CHAF1A: variants seen among roughly 807,000 people sequenced by gnomAD.
CHAF1A encodes chromatin assembly factor 1 subunit A, also known as CAF-1 subunit A.
CHAF1A carries 5 observed loss-of-function variants against 93.2 expected under a neutral mutation model. The ratio of observed to expected loss-of-function variants is 0.05; its 90% CI spans 0.03 to 0.11. CHAF1A has a LOEUF of 0.11. Among genes scored for constraint, CHAF1A ranks in the 10% least tolerant of loss-of-function variants. The probability of loss-of-function intolerance (pLI) is 1.00; values close to 1 mark genes in which losing one functional copy is unlikely to be tolerated. For missense variants in CHAF1A, 1,102 were observed against 1,259.9 expected, an observed-to-expected ratio of 0.87 and a Z score of 1.90; for synonymous variants, 504 against 510.3, an observed-to-expected ratio of 0.99 and a Z score of 0.17.
At chr19:4,417,138 A>C (rs1209830433) in intron 3 of CHAF1A, among the ~76,000 whole-genome samples, 1 of 152,038 alleles carries the variant, frequency 6.6e-6, no homozygotes, top group East Asian at 1.9e-4. Context: ...CACCCGACTA[A>C]CTAAAAGCTT....
At chr19:4,431,855 C>G (rs1974188265) in intron 11 of CHAF1A, 97 bp from the exon 12 acceptor site, 1 of 1,491,008 alleles carries the variant, frequency 6.7e-7, no homozygotes, top group Non-Finnish European at 9.0e-7. Context: ...GTCCTTTCCT[C>G]TTGCTCCCCA....
chr19:4,428,973 G>A, intron 8 of CHAF1A, 83 bp downstream of exon 8: 1 of 1,139,316 alleles, frequency 8.8e-7, no homozygotes, highest in Non-Finnish European at 1.3e-6. Flanking sequence ...CGGGGTGGGA[G>A]CTCTGGGTCC....
chr19:4,443,754 G>A (rs901638674), downstream of CHAF1A, among the ~76,000 whole-genome samples: 12 of 152,240 alleles, frequency 7.9e-5, no homozygotes, highest in Middle Eastern at 3.4e-3. Flanking sequence ...CATCTTTTGC[G>A]AGTGCTGGAG....
At chr19:4,437,716 A>C (rs1974310643) in intron 13 of CHAF1A, among the ~76,000 whole-genome samples, 1 of 148,944 alleles carries the variant, frequency 6.7e-6, no homozygotes, top group Non-Finnish European at 1.5e-5. Flanking sequence ...TTTTTTTCCC[A>C]ATTTGAAAGT....
Position 4,433,817 on chromosome 19 carries a change from G to A in CHAF1A, c.2673+278G>A, listed in dbSNP as rs1468112309. Among the ~76,000 whole-genome samples, 1 of 151,984 alleles carries A rather than the reference G, an allele frequency of 6.6e-6. No homozygotes were observed. Among genetic ancestry groups the A allele is most frequent in the Admixed American group, 6.6e-5 (1 of 15,258 alleles). On this transcript the variant is annotated intron_variant, in intron 13 of 14. Coordinates refer to ENST00000301280, the MANE Select transcript of CHAF1A (RefSeq NM_005483.3). This position sits in a 1 kb window ranked among gnomAD's most constrained non-coding sequence, Gnocchi z 5.6. The stretch of plus-strand genomic sequence containing the variant: ...GGGTTTCACCATGTTGGTCAGGCTG[G>A]TCTCGAACTCCTGACCTCATGATCC...
At chr19:4,418,719 CTG>C (rs1294832866) in intron 4 of CHAF1A, among the ~76,000 whole-genome samples, 2 of 152,092 alleles carry the variant, frequency 1.3e-5, no homozygotes, top group African/African-American at 4.8e-5. Flanking sequence ...CTGGCCAGTC[CTG>C]TGTCTTTCAC....
At chr19:4,434,890 T>G in intron 13 of CHAF1A, among the ~76,000 whole-genome samples, 1 of 151,990 alleles carries the variant, frequency 6.6e-6, no homozygotes. Flanking sequence ...TATGGGTGCC[T>G]CGGAGGCACA....
At chr19:4,425,573 C>G (rs1304403891) in intron 7 of CHAF1A, among the ~76,000 whole-genome samples, 2 of 152,178 alleles carry the variant, frequency 1.3e-5, no homozygotes, top group African/African-American at 2.4e-5. Flanking sequence ...TCTCGACCTC[C>G]TGGTCTCAAG....
chr19:4,430,725 CGGG>C, intron 11 of CHAF1A, 84 bp downstream of exon 11: 4 of 1,431,470 alleles, frequency 2.8e-6, no homozygotes, highest in Non-Finnish European at 2.9e-6. Context: ...GGGAGGGTGA[CGGG>C]GGTCCCAGCC....
rs143288325 is a variant in CHAF1A, at chr19:4,409,469, A to G, written c.670A>G (p.Ser224Gly). 306 of 1,614,054 alleles carry G rather than the reference A, an allele frequency of 1.9e-4. No homozygotes were observed. In the African/African-American group the frequency reaches 3.5e-3, roughly 18 times the overall value. Residue 224 changes from serine (S) to glycine (G), a missense_variant, in exon 3 of 15, where the codon AGT becomes GGT. Around this residue, in one of 6 missense-constraint regions of CHAF1A, gnomAD observed 379 missense variants for 365.7 expected, o/e 1.04. Coordinates refer to ENST00000301280, the MANE Select transcript of CHAF1A (RefSeq NM_005483.3). ...PRMCPRKEQD[S>G]WSEAGGILFK... ...AATGTGCCCCAGAAAGGAGCAGGAC[A>G]GTTGGAGTGAAGCTGGGGGCATCCT...
chr19:4,412,470 G>A (rs2145079949), intron 3 of CHAF1A, among the ~76,000 whole-genome samples: 1 of 152,276 alleles, frequency 6.6e-6, no homozygotes, highest in Middle Eastern at 3.4e-3. Flanking sequence ...CTTGAACCCA[G>A]GAGGCAGAGG....
downstream of CHAF1A, chr19:4,446,297 C>T: frequency 6.4e-7 from 1 of 1,571,462 alleles, no homozygotes; most frequent in Non-Finnish European, 8.6e-7. Flanking sequence ...CAGGAGGCAG[C>T]CATCGGGGAG....
chr19:4,406,764 GT>G (rs2145062084), intron 2 of CHAF1A, among the ~76,000 whole-genome samples: 1 of 152,204 alleles, frequency 6.6e-6, no homozygotes, highest in East Asian at 1.9e-4. Flanking sequence ...ACAGTTTTGG[GT>G]TTTTCAAACT....
chr19:4,443,087 C>A lies in CHAF1A; in HGVS notation c.*62C>A. The A allele has an allele frequency of 2.8e-6, 3 of 1,076,134 alleles. No homozygotes were observed. The highest frequency in any genetic ancestry group is 2.8e-6 in the Non-Finnish European group (2 of 712,042). The allele number at this position is 1,076,134 out of a possible 1,614,324, so 66.7% of individuals were successfully genotyped here. Reference sequence around the variant, plus strand: ...CTCCCCACAGAGCAGATACTTGAACCGACTCAATTCCTGTGTAAAGAGCAC... The same window carrying A: ...CTCCCCACAGAGCAGATACTTGAACAGACTCAATTCCTGTGTAAAGAGCAC... On this transcript the variant is annotated 3_prime_UTR_variant, in exon 15 of 15. Coordinates refer to ENST00000301280, the MANE Select transcript of CHAF1A (RefSeq NM_005483.3).
At chr19:4,446,327 T>C (rs1448813950), downstream of CHAF1A, 2 of 1,574,128 alleles carry the variant, frequency 1.3e-6, no homozygotes, top group Non-Finnish European at 1.7e-6. Context: ...CAGCAGCGTG[T>C]AGTTGTACTT....
At chr19:4,431,401 T>A (rs1037381979) in intron 11 of CHAF1A, among the ~76,000 whole-genome samples, 6 of 152,126 alleles carry the variant, frequency 3.9e-5, no homozygotes, top group Non-Finnish European at 7.4e-5. Context: ...AGTGCTGGGA[T>A]TACAGGCATG....
chr19:4,443,171 T>C lies in CHAF1A; in HGVS notation c.*146T>C, dbSNP rs1435979910. 1.5e-6 allele frequency: 1 copy of C among 681,372 alleles called. No homozygotes were observed. The allele number at this position is 681,372 out of a possible 1,614,324, so 42.2% of individuals were successfully genotyped here. A position where few individuals can be genotyped will look rare whatever the true frequency, so the allele number is the denominator to read the frequency against. ...CAGAGTTCTATATAGGATGCTGGAT[T>C]AGTTCCTTTGATATTTGTAAAAATT... On this transcript the variant is annotated 3_prime_UTR_variant, in exon 15 of 15. Coordinates refer to ENST00000301280, the MANE Select transcript of CHAF1A (RefSeq NM_005483.3).
At chr19:4,408,461 C>CTTTTTTTT (rs778100682) in intron 2 of CHAF1A, among the ~76,000 whole-genome samples, 1,239 of 36,012 alleles carry the variant, frequency 0.034, 389 homozygotes, top group Middle Eastern at 0.042. Flanking sequence ...CGCACCCGGC[C>CTTTTTTTT]TTTTTTTTTT....
In CHAF1A at chr19:4,422,539, C is replaced by T. The variant is rs1265075756; in HGVS notation, c.1018-27C>T. The T allele has an allele frequency of 1.9e-6, 3 of 1,550,886 alleles. No homozygotes were observed. The highest frequency in any genetic ancestry group is 2.6e-6 in the Non-Finnish European group (3 of 1,145,540). ...CTCCTGGGAGTTGGAGGGAGGGCCACCTGTCACTTGCCACACTGTCTTGTA... is the reference window on the plus strand; with the variant it reads ...CTCCTGGGAGTTGGAGGGAGGGCCATCTGTCACTTGCCACACTGTCTTGTA... On this transcript the variant is annotated intron_variant, in intron 4 of 14. Transcript: ENST00000301280. The surrounding 1 kb of genome is among the most constrained non-coding windows in gnomAD (Gnocchi z 4.6).
Sources: gnomAD v4.1 joint callset for allele counts (sites outside exome capture counted in the v4.1 genomes callset) on GRCh38, gnomAD v4.1.1 for gene constraint, gnomAD v4.1.1 regional missense constraint, Gnocchi (gnomAD v3.1) non-coding constraint, MANE v1.5 for transcripts, NCBI Gene and HGNC (gene_info 2026-07-23, HGNC 2026-07-21) for gene names.